TWIST2: variants seen among roughly 807,000 people sequenced by gnomAD.
The protein encoded by TWIST2 is twist-related protein 2.
Under a neutral mutation model 11.6 loss-of-function variants are expected in TWIST2, and 1 was observed. The observed-to-expected ratio is 0.09, with a 90% CI of 0.03 to 0.41. The LOEUF is 0.41. Among genes scored for constraint, TWIST2 ranks in the 10% least tolerant of loss-of-function variants. The pLI, the probability that TWIST2 is intolerant of heterozygous loss-of-function variation, is 0.98. For synonymous variants in TWIST2, 87 were observed against 96.6 expected (o/e 0.90, Z 0.58); for missense variants, 168 against 226.4 (o/e 0.74, Z 1.66).
At chr2:238,869,618 T>C (rs561950779) in intron 1 of TWIST2, among the ~76,000 whole-genome samples, 8 of 152,122 alleles carry the variant, frequency 5.3e-5, no homozygotes, top group Non-Finnish European at 8.8e-5. Context: ...CTACCACCCA[T>C]CAGAGAAATG....
chr2:238,855,822 G>A (rs1281451379), intron 1 of TWIST2, among the ~76,000 whole-genome samples: 1 of 152,218 alleles, frequency 6.6e-6, no homozygotes, highest in African/African-American at 2.4e-5. Context: ...GTCATCTAGG[G>A]GCTCCCGAAG....
At chr2:238,880,320 TTTA>T (rs1433365339) in intron 1 of TWIST2, among the ~76,000 whole-genome samples, 114 of 145,326 alleles carry the variant, frequency 7.8e-4, no homozygotes, top group East Asian at 1.5e-3. Context: ...AGTGTTGGTA[TTTA>T]TTATTATTAG....
chr2:238,909,163 T>G, intron 1 of TWIST2, among the ~76,000 whole-genome samples: 1 of 80,900 alleles, frequency 1.2e-5, no homozygotes, highest in African/African-American at 4.7e-5. Flanking sequence ...TGGTGTGTAG[T>G]GTGGGGTGTG....
At chr2:238,874,606 A>G (rs889281615) in intron 1 of TWIST2, among the ~76,000 whole-genome samples, 6 of 152,242 alleles carry the variant, frequency 3.9e-5, no homozygotes, top group African/African-American at 1.4e-4. Context: ...CTTTAATATT[A>G]CATAGTACAT....
chr2:238,901,746 C>G (rs1693270786), intron 1 of TWIST2, among the ~76,000 whole-genome samples: 1 of 152,166 alleles, frequency 6.6e-6, no homozygotes, highest in Non-Finnish European at 1.5e-5. Context: ...CCACCAGGCA[C>G]TCAGGAGAAG....
At chr2:238,862,801 T>C (rs1321216977) in intron 1 of TWIST2, among the ~76,000 whole-genome samples, 1 of 152,162 alleles carries the variant, frequency 6.6e-6, no homozygotes, top group Non-Finnish European at 1.5e-5. Flanking sequence ...GGGAAATAGG[T>C]GGGATAAACT....
At chr2:238,871,828 G>A (rs1692709698) in intron 1 of TWIST2, among the ~76,000 whole-genome samples, 1 of 152,252 alleles carries the variant, frequency 6.6e-6, no homozygotes, top group Non-Finnish European at 1.5e-5. Flanking sequence ...CCACTTACAC[G>A]GGGAACCTCG....
At chr2:238,873,011 T>C (rs2106360814) in intron 1 of TWIST2, among the ~76,000 whole-genome samples, 1 of 152,166 alleles carries the variant, frequency 6.6e-6, no homozygotes, top group South Asian at 2.1e-4. Flanking sequence ...AAGGAGACAA[T>C]GGAGGACTCA....
chr2:238,864,085 C>T lies in TWIST2; in HGVS notation c.*35+15352C>T, dbSNP rs145504283. 2.8e-4 allele frequency among the ~76,000 whole-genome samples: 43 copies of T among 152,262 alleles called. No individual in the cohort carries two copies. The highest frequency in any genetic ancestry group is 1.0e-3 in the African/African-American group (42 of 41,550). ...CCTTTACACCCTGGGCTACATTTGA[C>T]GCATATTTCTGGCAAATTCTGGGAC... On this transcript the variant is annotated intron_variant, in intron 1 of 1. Transcript: ENST00000612363. This position sits in a 1 kb window ranked among gnomAD's most constrained non-coding sequence, Gnocchi z 4.7.
At chr2:238,870,524 A>G (rs1692654394) in intron 1 of TWIST2, among the ~76,000 whole-genome samples, 2 of 97,824 alleles carry the variant, frequency 2.0e-5, no homozygotes, top group South Asian at 3.7e-4. Flanking sequence ...CCACACACAA[A>G]CCACACACCC....
chr2:238,893,148 T>A (rs1193359520), intron 1 of TWIST2, among the ~76,000 whole-genome samples: 1 of 152,200 alleles, frequency 6.6e-6, no homozygotes, highest in Non-Finnish European at 1.5e-5. Context: ...ATAGGAGGAT[T>A]CTTCCCATTG....
chr2:238,852,945 T>G (rs927979660), intron 1 of TWIST2, among the ~76,000 whole-genome samples: 2 of 152,190 alleles, frequency 1.3e-5, no homozygotes, highest in Non-Finnish European at 2.9e-5. Flanking sequence ...AAATTACTAC[T>G]AAGATTTATC....
chr2:238,905,892 T>TGC (rs1264300733), intron 1 of TWIST2, among the ~76,000 whole-genome samples: 3,179 of 127,634 alleles, frequency 0.025, 48 homozygotes, highest in East Asian at 0.074. Context: ...TGTGCGCGCA[T>TGC]GCGCGTGTGT....
At position 238,866,248 on chromosome 2, in the gene TWIST2, C is replaced by T. The variant is rs553323041; in HGVS notation, c.*35+17515C>T. Reference sequence around the variant, plus strand: ...TCTGAGCCCTGGGCACCCTCCATGGCGAGCTCCCCAGGCCAGGAGCATGTC... The same window carrying T: ...TCTGAGCCCTGGGCACCCTCCATGGTGAGCTCCCCAGGCCAGGAGCATGTC... On this transcript the variant is annotated intron_variant, in intron 1 of 1. Transcript: ENST00000612363. This position sits in a 1 kb window ranked among gnomAD's most constrained non-coding sequence, Gnocchi z 4.9. Among the ~76,000 whole-genome samples, 5 of 152,328 alleles carry T rather than the reference C, an allele frequency of 3.3e-5. No homozygotes were observed. In the East Asian group the frequency reaches 5.8e-4, roughly 18 times the overall value.
Position 238,904,412 on chromosome 2 carries a change from AGGTGTGTGTGATGTGG to A in TWIST2, c.*36-5410_*36-5395del, listed in dbSNP as rs1268314317. Among the ~76,000 whole-genome samples the A allele has an allele frequency of 2.7e-4, 21 of 78,176 alleles. No individual in the cohort carries two copies. In the East Asian group the frequency reaches 2.9e-3, roughly 11 times the overall value. 51.3% of individuals were successfully genotyped at this position (78,176 alleles called of 152,430 possible). ...TGATGTAAGGTGTGTGTCTAATGTG[AGGTGTGTGTGATGTGG>A]GGTGTGTGTGATGTGGGGTATGTGT... On this transcript the variant is annotated intron_variant, in intron 1 of 1. Transcript: ENST00000612363.
chr2:238,884,188 C>G (rs371330875), intron 1 of TWIST2, among the ~76,000 whole-genome samples: 53 of 152,316 alleles, frequency 3.5e-4, no homozygotes, highest in African/African-American at 1.2e-3. Flanking sequence ...AAGATGGGGT[C>G]GTTGGCTGCC....
chr2:238,886,095 CA>C (rs67714100), intron 1 of TWIST2, among the ~76,000 whole-genome samples: 80,322 of 123,142 alleles, frequency 0.65, 24,555 homozygotes, highest in Non-Finnish European at 0.7. Flanking sequence ...GACTCCATCT[CA>C]AAAAAAAAAA....
intron 1 of TWIST2, among the ~76,000 whole-genome samples, chr2:238,853,881 T>C (rs576842778): frequency 6.6e-6 from 1 of 152,312 alleles, no homozygotes; most frequent in East Asian, 1.9e-4. Context: ...GGTGTGATAA[T>C]ATGATGATCC....
chr2:238,903,246 T>C (rs1271165991), intron 1 of TWIST2, among the ~76,000 whole-genome samples: 5 of 147,426 alleles, frequency 3.4e-5, no homozygotes, highest in African/African-American at 1.3e-4. Context: ...AATGGGTGTG[T>C]GTGAGATGTA....
Sources: allele counts gnomAD v4.1 joint callset (sites outside exome capture counted in the v4.1 genomes callset), GRCh38; gene constraint gnomAD v4.1.1; non-coding constraint Gnocchi (gnomAD v3.1); transcripts MANE v1.5; gene names NCBI Gene and HGNC (gene_info 2026-07-23, HGNC 2026-07-21).